The following NCKAP5 variants were observed in gnomAD, a reference collection of about 807,000 sequenced individuals.
NCKAP5 encodes NCK associated protein 5, also known as nck-associated protein 5.
Under a neutral mutation model 167.0 loss-of-function variants are expected in NCKAP5, and 92 were observed. The observed-to-expected ratio is 0.55, with a 90% CI of 0.47 to 0.66. The LOEUF is 0.66. NCKAP5 is among the 30% of genes least tolerant of loss of function. NCKAP5 has a pLI of 0.00. For missense variants in NCKAP5, 2,378 were observed against 2,315.0 expected, an observed-to-expected ratio of 1.03 and a Z score of -0.56; for synonymous variants, 891 against 877.4, an observed-to-expected ratio of 1.02 and a Z score of -0.27.
intron 6 of NCKAP5, among the ~76,000 whole-genome samples, chr2:133,024,561 C>T (rs2078632576): frequency 6.6e-6 from 1 of 152,088 alleles, no homozygotes; most frequent in Admixed American, 6.5e-5. Context: ...ATTTAGTACA[C>T]TAAATGTAGG....
At chr2:133,429,098 T>C (rs116036542) in intron 3 of NCKAP5, among the ~76,000 whole-genome samples, 3,256 of 152,224 alleles carry the variant, frequency 0.021, 60 homozygotes, top group Non-Finnish European at 0.034. Flanking sequence ...ACTGGAAAGA[T>C]TCTGAATAAC....
chr2:132,726,009 G>A (rs1690426046), intron 18 of NCKAP5, among the ~76,000 whole-genome samples: 1 of 152,114 alleles, frequency 6.6e-6, no homozygotes, highest in Non-Finnish European at 1.5e-5. Flanking sequence ...AGCTGTCGAC[G>A]GCACTCTGCC....
At chr2:133,649,722 T>C in the NCKAP5 span, among the ~76,000 whole-genome samples, 295 of 152,148 alleles carry the variant, frequency 1.9e-3, 2 homozygotes, top group African/African-American at 6.9e-3. Context: ...TGACTGGAAA[T>C]AGAGGGAAAT....
chr2:133,053,868 G>C (rs552188240), intron 6 of NCKAP5, among the ~76,000 whole-genome samples: 5 of 152,128 alleles, frequency 3.3e-5, no homozygotes, highest in Non-Finnish European at 7.4e-5. Flanking sequence ...AATACTATGA[G>C]AGCATTTCAT....
intron 4 of NCKAP5, among the ~76,000 whole-genome samples, chr2:133,293,425 C>A (rs533588410): frequency 6.6e-6 from 1 of 152,116 alleles, no homozygotes; most frequent in Non-Finnish European, 1.5e-5. Context: ...TAATGAAGAT[C>A]GATCCCAAGG....
the NCKAP5 span, among the ~76,000 whole-genome samples, chr2:133,658,267 G>T: frequency 6.6e-6 from 1 of 152,114 alleles, no homozygotes; most frequent in East Asian, 1.9e-4. Flanking sequence ...AGGCATCCCA[G>T]GCAATCCTCA....
At chr2:133,652,362 G>A in the NCKAP5 span, among the ~76,000 whole-genome samples, 3 of 152,316 alleles carry the variant, frequency 2.0e-5, no homozygotes, top group Middle Eastern at 3.4e-3. Flanking sequence ...AAAGAACACA[G>A]AGTTCTCATA....
chr2:133,215,127 TAAG>T lies in NCKAP5; in HGVS notation c.144-1351_144-1349del, dbSNP rs144457332. ...GTGGCAGCACCTGTGAGTACACTTC[TAAG>T]AAGGGGCAACAGAGTAGATAGGAAG... On this transcript the variant is annotated intron_variant, in intron 4 of 19. Transcript: ENST00000409261. Among the ~76,000 whole-genome samples, 13 of 152,286 alleles carry T rather than the reference TAAG, an allele frequency of 8.5e-5. No individual in the cohort carries two copies. The East Asian group carries it at 1.9e-3, about 23-fold the overall frequency.
chr2:133,513,603 G>C (rs977494727), intron 3 of NCKAP5, among the ~76,000 whole-genome samples: 2 of 152,198 alleles, frequency 1.3e-5, no homozygotes, highest in African/African-American at 4.8e-5. Flanking sequence ...TGGAAGTCTT[G>C]ATTACTATAA....
intron 16 of NCKAP5, among the ~76,000 whole-genome samples, chr2:132,765,363 T>C (rs1322115416): frequency 1.4e-5 from 2 of 146,286 alleles, no homozygotes; most frequent in Admixed American, 1.4e-4. Context: ...TAGGCTGGAA[T>C]GCAGTGAGTG....
intron 16 of NCKAP5, among the ~76,000 whole-genome samples, chr2:132,754,607 A>C (rs1485737057): frequency 6.6e-6 from 1 of 152,244 alleles, no homozygotes; most frequent in Non-Finnish European, 1.5e-5. Context: ...ACAGCAGCAG[A>C]GTTGACATTT....
At chr2:133,404,958 C>T (rs996910465) in intron 3 of NCKAP5, among the ~76,000 whole-genome samples, 11 of 152,208 alleles carry the variant, frequency 7.2e-5, no homozygotes, top group African/African-American at 2.7e-4. Flanking sequence ...TCCCTTGCCT[C>T]TCTTCCAATC....
intron 9 of NCKAP5, among the ~76,000 whole-genome samples, chr2:132,872,609 G>A (rs78334724): frequency 0.025 from 3,752 of 152,290 alleles, 148 homozygotes; most frequent in African/African-American, 0.086. Context: ...CGTGGGGAGC[G>A]AGGATCTCCA....
At position 132,720,480 on chromosome 2, in the gene NCKAP5, A is replaced by G. The variant is rs141991623; in HGVS notation, c.5713+5147T>C. On this transcript the variant is annotated intron_variant, in intron 19 of 19. Transcript: ENST00000409261. ...CTTTGGCCACATTCAGTGTGTTGCA[A>G]ACAAAGCAAGTGGGCCCCCAAAACC... Among the ~76,000 whole-genome samples, 153 of 152,356 alleles carry G rather than the reference A, an allele frequency of 1.0e-3. 2 individuals carry two copies. In the East Asian group the frequency reaches 0.024, roughly 24 times the overall value.
At chr2:132,731,369 T>C (rs768052834) in intron 17 of NCKAP5, among the ~76,000 whole-genome samples, 1 of 152,236 alleles carries the variant, frequency 6.6e-6, no homozygotes, top group Non-Finnish European at 1.5e-5. Context: ...TGTTTCTGGT[T>C]AGAAGGCAAA....
chr2:133,132,159 G>A (rs1325559334), intron 5 of NCKAP5, among the ~76,000 whole-genome samples: 1 of 151,814 alleles, frequency 6.6e-6, no homozygotes, highest in Non-Finnish European at 1.5e-5. Flanking sequence ...GTGTTGGCGG[G>A]TGCCTATAAT....
At chr2:132,909,825 T>A (rs927659436) in intron 8 of NCKAP5, among the ~76,000 whole-genome samples, 1 of 152,228 alleles carries the variant, frequency 6.6e-6, no homozygotes, top group Non-Finnish European at 1.5e-5. Context: ...CTCCAAGTGG[T>A]TGAGAAATCA....
At position 132,783,852 on chromosome 2, in the gene NCKAP5, C is replaced by A. The variant is rs773412186; in HGVS notation, c.2959G>T (p.Ala987Ser). Residue 987 changes from alanine (A) to serine (S), a missense_variant, in exon 14 of 20, where the codon GCC (alanine) becomes TCC (serine). Ala to Ser is a moderately conservative substitution (Grantham distance 99, BLOSUM62 1). Transcript: ENST00000409261. ...ISAPVISSNP[A>S]TTEVQRKKPS... ...TTCTTCCTCTGCACTTCTGTCGTGGCCGGATTAGAAGAAATAACTGGAGCA... is the reference window on the plus strand; with the variant it reads ...TTCTTCCTCTGCACTTCTGTCGTGGACGGATTAGAAGAAATAACTGGAGCA... 4 of 1,529,874 alleles carry A rather than the reference C, an allele frequency of 2.6e-6. No individual in the cohort carries two copies. The highest frequency in any genetic ancestry group is 3.5e-6 in the Non-Finnish European group (4 of 1,140,494). The allele number at this position is 1,529,874 out of a possible 1,614,324, so 94.8% of individuals were successfully genotyped here.
Position 133,103,822 on chromosome 2 carries a change from G to C in NCKAP5, c.341+26156C>G, listed in dbSNP as rs547237697. Among the ~76,000 whole-genome samples the C allele has an allele frequency of 3.6e-4, 55 of 152,270 alleles. 2 individuals carry two copies. In the South Asian group the frequency reaches 0.011, roughly 32 times the overall value. ...ATGAAAGCTGTTATTATTTTGGGTG[G>C]TGATGCTGGTTTTGGCTCTTCCTCA... On this transcript the variant is annotated intron_variant, in intron 6 of 19. Coordinates refer to ENST00000409261, the MANE Select transcript of NCKAP5 (RefSeq NM_207363.3).
Sources: gnomAD v4.1 joint callset for allele counts (sites outside exome capture counted in the v4.1 genomes callset) on GRCh38, gnomAD v4.1.1 for gene constraint, MANE v1.5 for transcripts, NCBI Gene and HGNC (gene_info 2026-07-23, HGNC 2026-07-21) for gene names.